MIER3: variants seen among roughly 807,000 people sequenced by gnomAD.
MIER3 encodes the protein mesoderm induction early response protein 3.
In MIER3, 9 loss-of-function variants were observed where a neutral mutation model predicts 63.2. The ratio of observed to expected loss-of-function variants is 0.14; its 90% CI spans 0.09 to 0.25. The LOEUF (loss-of-function observed/expected upper bound fraction) is 0.25, where lower values mean the gene tolerates loss of function less well. Ranked by LOEUF, MIER3 falls within the 10% of genes least tolerant of loss-of-function variation. The pLI is 1.00. For missense variants in MIER3, 512 were observed against 666.2 expected, an observed-to-expected ratio of 0.77 and a Z score of 2.55; for synonymous variants, 205 against 224.9, an observed-to-expected ratio of 0.91 and a Z score of 0.79.
chr5:56,933,947 G>A (rs1219081814), intron 7 of MIER3, among the ~76,000 whole-genome samples: 1 of 107,864 alleles, frequency 9.3e-6, no homozygotes, highest in Non-Finnish European at 2.5e-5. Context: ...AGGTTTTTGG[G>A]AAGAGGGAGA....
intron 10 of MIER3, among the ~76,000 whole-genome samples, chr5:56,924,574 T>G (rs937064049): frequency 1.3e-5 from 2 of 152,182 alleles, no homozygotes; most frequent in Admixed American, 1.3e-4. Context: ...GGACCAACGG[T>G]CTACAGCATC....
rs775932979 is a variant in MIER3, at chr5:56,950,609, G to GT, written c.34+18dup. On this transcript the variant is annotated intron_variant, in intron 2 of 12. Coordinates refer to ENST00000381199, the MANE Select transcript of MIER3 (RefSeq NM_001297599.2). Reference sequence around the variant, plus strand: ...TTACCCACTGGGAACCACCGAAGACGTAAGAAAATAGGACAAACCTGGGCT... The same window carrying GT: ...TTACCCACTGGGAACCACCGAAGACGTTAAGAAAATAGGACAAACCTGGGCT... The GT allele has an allele frequency of 5.0e-6, 8 of 1,613,838 alleles. No homozygotes were observed. The African/African-American group carries it at 6.7e-5, about 13-fold the overall frequency.
chr5:56,935,525 A>G, intron 6 of MIER3, 25 bp from the exon 7 acceptor site: 1 of 1,561,216 alleles, frequency 6.4e-7, no homozygotes, highest in East Asian at 2.2e-5. Flanking sequence ...AGAGGTAAAA[A>G]TAACTTATTA....
At chr5:56,951,644 C>G (rs897884870) in intron 1 of MIER3, among the ~76,000 whole-genome samples, 1 of 151,676 alleles carries the variant, frequency 6.6e-6, no homozygotes, top group Non-Finnish European at 1.5e-5. Flanking sequence ...GCACAGCGCA[C>G]GACTCCCGCA....
intron 5 of MIER3, chr5:56,937,017 T>C (rs1283052566): frequency 6.6e-6 from 1 of 152,104 alleles, no homozygotes; most frequent in Non-Finnish European, 1.5e-5. Context: ...AGATGAGTCT[T>C]GAGAAGGAAA....
At chr5:56,925,994 G>A (rs1749957894) in intron 10 of MIER3, among the ~76,000 whole-genome samples, 1 of 151,922 alleles carries the variant, frequency 6.6e-6, no homozygotes, top group Non-Finnish European at 1.5e-5. Context: ...ATTCCATGGA[G>A]GAAGAATGTC....
At chr5:56,945,515 G>T (rs900902754) in intron 3 of MIER3, among the ~76,000 whole-genome samples, 1 of 152,076 alleles carries the variant, frequency 6.6e-6, no homozygotes, top group East Asian at 1.9e-4. Context: ...CTCTCAGATG[G>T]CAGTAATATG....
intron 2 of MIER3, 144 bp downstream of exon 2, chr5:56,950,484 T>C (rs1302134761): frequency 1.2e-6 from 1 of 847,120 alleles, no homozygotes; most frequent in South Asian, 1.7e-5. Context: ...TTCCCCAAAC[T>C]TTACTAAATG....
intron 9 of MIER3, among the ~76,000 whole-genome samples, chr5:56,929,760 T>C (rs73136978): frequency 9.8e-5 from 15 of 152,306 alleles, no homozygotes; most frequent in African/African-American, 3.6e-4. Context: ...GTGAATTCCG[T>C]ATCTACTTGG....
Position 56,952,103 on chromosome 5 carries a change from A to G in MIER3, c.-1T>C, listed in dbSNP as rs1751059690. ...CGGTTTCCCTGCTCACCTCCGCCAT[A>G]TTGGTACCTTTAGGGCGAACGAGCA... On this transcript the variant is annotated 5_prime_UTR_variant, in exon 1 of 13. Coordinates refer to ENST00000381199, the MANE Select transcript of MIER3 (RefSeq NM_001297599.2). The G allele has an allele frequency of 7.7e-7, 1 of 1,292,032 alleles. No individual in the cohort carries two copies. The allele number at this position is 1,292,032 out of a possible 1,614,324, so 80.0% of individuals were successfully genotyped here. A position where few individuals can be genotyped will look rare whatever the true frequency, so the allele number is the denominator to read the frequency against.
intron 8 of MIER3, among the ~76,000 whole-genome samples, chr5:56,931,037 G>T (rs935411551): frequency 6.6e-6 from 1 of 152,138 alleles, no homozygotes; most frequent in African/African-American, 2.4e-5. Flanking sequence ...CTAGGTCTAA[G>T]ATTAGAGTTT....
chr5:56,928,598 T>C (rs1414417713), intron 10 of MIER3, 169 bp downstream of exon 10: 7 of 504,070 alleles, frequency 1.4e-5, no homozygotes, highest in Non-Finnish European at 2.1e-5. Context: ...AGCCATTCCA[T>C]AAGCAGGCTG....
rs578078003 is a variant in MIER3 at position 56,924,376 on chromosome 5, G to A, written c.925-334C>T. Among the ~76,000 whole-genome samples the A allele has an allele frequency of 1.4e-4, 21 of 152,214 alleles. No individual in the cohort carries two copies. The East Asian group carries it at 4.1e-3, about 29-fold the overall frequency. On this transcript the variant is annotated intron_variant, in intron 10 of 12. Coordinates refer to ENST00000381199, the MANE Select transcript of MIER3 (RefSeq NM_001297599.2). ...TCTTTACTTTTCTTTACTGAGCTCT[G>A]TGATTTTGACTACAGTGAGGGTTCT... is the stretch of plus-strand genomic sequence containing the variant.
At chr5:56,937,724 C>T (rs2591967) in intron 4 of MIER3, 26 bp from the exon 5 acceptor site, 1 of 1,585,140 alleles carries the variant, frequency 6.3e-7, no homozygotes. Flanking sequence ...GGCAGTGCTA[C>T]AGTTAGAAAT....
chr5:56,936,288 A>G (rs1444664025), intron 5 of MIER3, among the ~76,000 whole-genome samples: 1 of 152,100 alleles, frequency 6.6e-6, no homozygotes, highest in Non-Finnish European at 1.5e-5. Flanking sequence ...GTAAAAGGAA[A>G]CCACTGTGGT....
At chr5:56,942,272 A>C (rs1750672116) in intron 3 of MIER3, among the ~76,000 whole-genome samples, 1 of 152,242 alleles carries the variant, frequency 6.6e-6, no homozygotes, top group Non-Finnish European at 1.5e-5. Flanking sequence ...TTTCAGATGT[A>C]TTACACTATG....
intron 7 of MIER3, among the ~76,000 whole-genome samples, chr5:56,935,161 G>A (rs1750398069): frequency 6.6e-6 from 1 of 152,196 alleles, no homozygotes; most frequent in Non-Finnish European, 1.5e-5. Context: ...ACCGTGGGAG[G>A]CTCCCCATTA....
At chr5:56,924,365 T>A (rs1749853287) in intron 10 of MIER3, among the ~76,000 whole-genome samples, 1 of 152,224 alleles carries the variant, frequency 6.6e-6, no homozygotes, top group South Asian at 2.1e-4. Flanking sequence ...TACTTTTCTT[T>A]ACTGAGCTCT....
At chr5:56,926,317 T>C (rs183309830) in intron 10 of MIER3, among the ~76,000 whole-genome samples, 22 of 152,022 alleles carry the variant, frequency 1.4e-4, no homozygotes, top group Admixed American at 7.9e-4. Context: ...AGCCTCAAAA[T>C]GGAAGAAAAT....
Sources: allele counts gnomAD v4.1 joint callset (sites outside exome capture counted in the v4.1 genomes callset), GRCh38; gene constraint gnomAD v4.1.1; transcripts MANE v1.5; gene names NCBI Gene and HGNC (gene_info 2026-07-23, HGNC 2026-07-21).